The following SOX6 variants were observed in gnomAD, a reference collection of about 807,000 sequenced individuals.
SOX6 encodes transcription factor SOX-6.
Under a neutral mutation model 97.8 loss-of-function variants are expected in SOX6, and 11 were observed. That is an observed-to-expected ratio of 0.11 (90% CI 0.07 to 0.19). SOX6 has a LOEUF of 0.19. Among genes scored for constraint, SOX6 ranks in the 10% least tolerant of loss-of-function variants. SOX6 has a pLI of 1.00. For missense variants in SOX6, 810 were observed against 1,039.5 expected (o/e 0.78, Z 3.04); for synonymous variants, 360 against 371.4 (o/e 0.97, Z 0.35).
At chr11:16,452,739 T>C (rs1277804515) in intron 1 of SOX6, among the ~76,000 whole-genome samples, 19 of 152,120 alleles carry the variant, frequency 1.2e-4, no homozygotes, top group Admixed American at 1.2e-3. Context: ...TACATAGTCA[T>C]GAGGCACAGG....
intron 4 of SOX6, among the ~76,000 whole-genome samples, chr11:16,548,079 C>T (rs986097376): frequency 6.6e-6 from 1 of 152,118 alleles, no homozygotes. Flanking sequence ...TGACAGCAGA[C>T]TCTTCATTAG....
chr11:16,202,355 G>A (rs1470888672), intron 4 of SOX6, among the ~76,000 whole-genome samples: 7 of 152,000 alleles, frequency 4.6e-5, no homozygotes, highest in African/African-American at 1.4e-4. Flanking sequence ...CATAAAAATC[G>A]TAAAGCAAAA....
rs991614719 is a variant in SOX6 at position 16,612,762 on chromosome 11, C to T, written n.430-502G>A. On this transcript the variant is annotated intron_variant and non_coding_transcript_variant, in intron 3 of 5. Transcript: ENST00000524520. The stretch of plus-strand genomic sequence containing the variant: ...CCCCCACGTCACCCTCCTCCATTCC[C>T]CTCTAATGAGACGCGGATCACCCTC... Among the ~76,000 whole-genome samples the T allele has an allele frequency of 5.3e-5, 8 of 152,052 alleles. No individual in the cohort carries two copies. In the East Asian group the frequency reaches 1.5e-3, roughly 29 times the overall value.
intron 4 of SOX6, among the ~76,000 whole-genome samples, chr11:16,550,880 A>G (rs981583824): frequency 6.6e-6 from 1 of 152,206 alleles, no homozygotes; most frequent in Non-Finnish European, 1.5e-5. Flanking sequence ...CAAAAATTTT[A>G]AAATATACTC....
At chr11:16,426,913 C>CAAAA (rs34720074) in intron 1 of SOX6, among the ~76,000 whole-genome samples, 41 of 62,588 alleles carry the variant, frequency 6.6e-4, no homozygotes, top group Non-Finnish European at 8.3e-4. Context: ...GACTCCGTCT[C>CAAAA]AAAAAAAAAA....
chr11:16,645,755 C>T (rs1245067898), intron 3 of SOX6, among the ~76,000 whole-genome samples: 3 of 152,170 alleles, frequency 2.0e-5, no homozygotes, highest in African/African-American at 7.2e-5. Context: ...GGAAGGATTC[C>T]ACCAGGTTTC....
intron 4 of SOX6, among the ~76,000 whole-genome samples, chr11:16,583,583 A>ATATATATG: frequency 8.9e-6 from 1 of 111,818 alleles, no homozygotes; most frequent in Admixed American, 1.1e-4. Context: ...CATTGTGTAT[A>ATATATATG]TATATATATG....
intron 1 of SOX6, among the ~76,000 whole-genome samples, chr11:16,430,057 A>G (rs1859245189): frequency 6.6e-6 from 1 of 152,228 alleles, no homozygotes; most frequent in African/African-American, 2.4e-5. Flanking sequence ...TAATTAGCAC[A>G]TAAATGTTGG....
At chr11:16,254,773 A>G (rs1225239621) in intron 3 of SOX6, among the ~76,000 whole-genome samples, 2 of 152,068 alleles carry the variant, frequency 1.3e-5, no homozygotes, top group Admixed American at 6.6e-5. Context: ...TACTAATCCA[A>G]CTACACCAAT....
intron 4 of SOX6, among the ~76,000 whole-genome samples, chr11:16,602,928 G>T (rs1430686811): frequency 6.6e-6 from 1 of 152,042 alleles, no homozygotes; most frequent in African/African-American, 2.4e-5. Flanking sequence ...GACTGAGGCG[G>T]AAGAATCGCT....
chr11:16,141,048 G>C (rs1850122850), intron 6 of SOX6, among the ~76,000 whole-genome samples: 1 of 151,646 alleles, frequency 6.6e-6, no homozygotes, highest in Admixed American at 6.6e-5. Context: ...TGGTGGGCAG[G>C]AGTTGCAGTG....
intron 4 of SOX6, among the ~76,000 whole-genome samples, chr11:16,509,321 C>T (rs574237307): frequency 6.6e-6 from 1 of 151,934 alleles, no homozygotes; most frequent in Non-Finnish European, 1.5e-5. Context: ...TCTGGCAAAG[C>T]TTTATTTTTA....
At chr11:16,295,391 A>C (rs898119128) in intron 3 of SOX6, among the ~76,000 whole-genome samples, 6 of 152,086 alleles carry the variant, frequency 3.9e-5, no homozygotes, top group Non-Finnish European at 7.4e-5. Context: ...AGTAAAACCT[A>C]ATAGCAATCT....
intron 3 of SOX6, among the ~76,000 whole-genome samples, chr11:16,280,785 A>G (rs539015729): frequency 3.3e-5 from 5 of 152,254 alleles, no homozygotes; most frequent in African/African-American, 1.2e-4. Flanking sequence ...AAAACAAAGA[A>G]AGGTGTTCAT....
chr11:16,422,736 A>T (rs1431413360), intron 1 of SOX6, among the ~76,000 whole-genome samples: 1 of 152,184 alleles, frequency 6.6e-6, no homozygotes, highest in African/African-American at 2.4e-5. Context: ...ACATCTAAGG[A>T]AAAGGCACCT....
intron 4 of SOX6, among the ~76,000 whole-genome samples, chr11:16,219,702 C>T (rs1005152952): frequency 6.6e-6 from 1 of 151,860 alleles, no homozygotes; most frequent in African/African-American, 2.4e-5. Flanking sequence ...AAGTGGTTAG[C>T]CCAGTAATTT....
intron 15 of SOX6, among the ~76,000 whole-genome samples, chr11:15,975,725 G>T (rs771816398): frequency 4.6e-5 from 7 of 152,108 alleles, no homozygotes. Flanking sequence ...CAAGCTGTTT[G>T]TTCAAGGCCA....
At chr11:16,100,671 A>G (rs747983288) in intron 7 of SOX6, among the ~76,000 whole-genome samples, 1 of 151,532 alleles carries the variant, frequency 6.6e-6, no homozygotes, top group Non-Finnish European at 1.5e-5. Flanking sequence ...AGCTTGTACT[A>G]AGAACCTACA....
chr11:16,427,757 C>G (rs1859176813), intron 1 of SOX6, among the ~76,000 whole-genome samples: 1 of 152,146 alleles, frequency 6.6e-6, no homozygotes, highest in African/African-American at 2.4e-5. Context: ...GGTTCCAAGA[C>G]TTTGCTATTG....
Sources: allele counts gnomAD v4.1 joint callset (sites outside exome capture counted in the v4.1 genomes callset), GRCh38; gene constraint gnomAD v4.1.1; transcripts MANE v1.5; gene names NCBI Gene and HGNC (gene_info 2026-07-23, HGNC 2026-07-21).